The following FOXP2 variants were observed in gnomAD, a reference collection of about 807,000 sequenced individuals.
The protein encoded by FOXP2 is forkhead box P2.
In FOXP2, 12 loss-of-function variants were observed where a neutral mutation model predicts 115.8. The observed-to-expected ratio is 0.10, with a 90% confidence interval of 0.07 to 0.17. The LOEUF is 0.17. Among genes scored for constraint, FOXP2 ranks in the 10% least tolerant of loss-of-function variants. The pLI is 1.00. For missense variants in FOXP2, 629 were observed against 843.5 expected (o/e 0.75, Z 3.15); for synonymous variants, 328 against 297.7 (o/e 1.10, Z -1.05).
At chr7:114,117,081 C>G (rs1352451396) in intron 1 of FOXP2, among the ~76,000 whole-genome samples, 1 of 151,942 alleles carries the variant, frequency 6.6e-6, no homozygotes, top group Non-Finnish European at 1.5e-5. Context: ...ATTTTTTAGC[C>G]TCAGGGGAAA....
chr7:114,466,437 T>C (rs1668619138), intron 2 of FOXP2, among the ~76,000 whole-genome samples: 1 of 152,226 alleles, frequency 6.6e-6, no homozygotes, highest in African/African-American at 2.4e-5. Context: ...GTTGTCACTA[T>C]GGTTACTTAC....
chr7:114,443,401 C>T (rs1450942267), intron 2 of FOXP2, among the ~76,000 whole-genome samples: 1 of 152,158 alleles, frequency 6.6e-6, no homozygotes, highest in Non-Finnish European at 1.5e-5. Context: ...TACTGACAAT[C>T]ACTTCCTTTT....
chr7:114,276,842 C>T (rs1020813748), intron 1 of FOXP2, among the ~76,000 whole-genome samples: 28 of 152,266 alleles, frequency 1.8e-4, no homozygotes, highest in African/African-American at 6.7e-4. Flanking sequence ...TGGTGACTCC[C>T]AAGCTCCTTA....
rs1392693823 is a variant in FOXP2, at chr7:114,662,046, T to C, written c.1648-19T>C. 1 of 1,612,140 alleles carries C rather than the reference T, an allele frequency of 6.2e-7. No homozygotes were observed. Among genetic ancestry groups the C allele is most frequent in the Non-Finnish European group, 8.5e-7 (1 of 1,178,642 alleles). On this transcript the variant is annotated intron_variant, in intron 13 of 16. Transcript: ENST00000350908. ...CAATATTATTTTTGCCATTTTTTCT[T>C]CTCTTCTGTCTGCTTTAGAATGCAG...
rs1179938173 is a variant in FOXP2 at position 114,278,944 on chromosome 7, C to A, written c.-101-9075C>A. ...TCAGCACACTGCCCAGCACACTGCC[C>A]AATTCAAGTTGCATTCAGGAGCTTT... On this transcript the variant is annotated intron_variant, in intron 1 of 17. Transcript: ENST00000634411. 3.3e-5 allele frequency among the ~76,000 whole-genome samples: 5 copies of A among 152,150 alleles called. No individual in the cohort carries two copies. In the East Asian group the frequency reaches 9.7e-4, roughly 29 times the overall value.
chr7:114,332,096 G>A (rs1797728558), intron 2 of FOXP2, among the ~76,000 whole-genome samples: 1 of 151,976 alleles, frequency 6.6e-6, no homozygotes, highest in Non-Finnish European at 1.5e-5. Context: ...CTGTACCTCT[G>A]TGTGTGGGCA....
rs368923204 is a variant in FOXP2, at chr7:114,176,298, T to TTCTTTCTTTCTCTCTC, written c.-102+13213_-102+13214insTTCTTTCTCTCTCTCT. Among the ~76,000 whole-genome samples, 208 of 76,552 alleles carry TTCTTTCTTTCTCTCTC rather than the reference T, an allele frequency of 2.7e-3. 2 individuals carry two copies. Among genetic ancestry groups the TTCTTTCTTTCTCTCTC allele is most frequent in the African/African-American group, 0.01 (194 of 18,494 alleles). 50.2% of individuals were successfully genotyped at this position (76,552 alleles called of 152,430 possible). A position where few individuals can be genotyped will look rare whatever the true frequency, so the allele number is the denominator to read the frequency against. ...TTTCTTTCTTTCTTTCTTTCTTTCT[T>TTCTTTCTTTCTCTCTC]TCTCTCTCTCTCTCTCTCTCTCTTT... On this transcript the variant is annotated intron_variant, in intron 1 of 17. Coordinates refer to the FOXP2 transcript ENST00000634411.
chr7:114,649,852 A>G (rs906954642), intron 8 of FOXP2, among the ~76,000 whole-genome samples: 4 of 152,100 alleles, frequency 2.6e-5, no homozygotes, highest in African/African-American at 4.8e-5. Flanking sequence ...AAGCTAGCCT[A>G]TAATTACAGG....
Position 114,523,655 on chromosome 7 carries a change from T to TTTCCTCTGCTTTTC in FOXP2, c.169-10944_169-10931dup, listed in dbSNP as rs778642566. 7.8e-4 allele frequency among the ~76,000 whole-genome samples: 119 copies of TTTCCTCTGCTTTTC among 152,308 alleles called. 1 individual carries two copies. The highest frequency in any genetic ancestry group is 1.2e-3 in the Non-Finnish European group (80 of 68,026). On this transcript the variant is annotated intron_variant, in intron 2 of 16. Transcript: ENST00000350908. The stretch of plus-strand genomic sequence containing the variant: ...AAGCTAGAATGTGAACTCTGAAACT[T>TTTCCTCTGCTTTTC]TTCCTCTGCTTTTCTTCCTCTGCTT...
chr7:114,603,869 C>G (rs993133046), intron 3 of FOXP2, among the ~76,000 whole-genome samples: 1 of 152,092 alleles, frequency 6.6e-6, no homozygotes, highest in Non-Finnish European at 1.5e-5. Context: ...CAGGCTATAG[C>G]CTTTAGCTTC....
At chr7:114,647,570 T>C (rs1309718433) in intron 8 of FOXP2, among the ~76,000 whole-genome samples, 1 of 151,816 alleles carries the variant, frequency 6.6e-6, no homozygotes, top group African/African-American at 2.4e-5. Context: ...GATAAAAAAG[T>C]GTTGAGGAAA....
chr7:114,494,131 T>C (rs1797199982), intron 2 of FOXP2, among the ~76,000 whole-genome samples: 2 of 152,110 alleles, frequency 1.3e-5, no homozygotes, highest in Non-Finnish European at 2.9e-5. Flanking sequence ...TTTTACCAAA[T>C]TGATGTTGCA....
chr7:114,284,276 T>TA (rs11357065), intron 1 of FOXP2, among the ~76,000 whole-genome samples: 156 of 146,578 alleles, frequency 1.1e-3, no homozygotes, highest in African/African-American at 2.2e-3. Flanking sequence ...AGCACATTGT[T>TA]AAAAAAAAAA....
rs978559030 is a variant in FOXP2 at position 114,369,750 on chromosome 7, AGGCATTG to A, written c.-10-56751_-10-56745del. 3.3e-5 allele frequency among the ~76,000 whole-genome samples: 5 copies of A among 152,172 alleles called. No individual in the cohort carries two copies. The East Asian group carries it at 7.7e-4, about 23-fold the overall frequency. ...TTAAGCCCCTATCAACAGATTTTTA[AGGCATTG>A]TATAACATATTAAATTTTATTATAC... On this transcript the variant is annotated intron_variant, in intron 2 of 17. Coordinates refer to the FOXP2 transcript ENST00000634411.
At chr7:114,574,999 G>T (rs1015696112) in intron 3 of FOXP2, among the ~76,000 whole-genome samples, 5 of 151,766 alleles carry the variant, frequency 3.3e-5, no homozygotes, top group African/African-American at 1.2e-4. Flanking sequence ...GGGGATGCTG[G>T]GTTGGAAGAA....
At chr7:114,519,446 A>G (rs1170830505) in intron 2 of FOXP2, among the ~76,000 whole-genome samples, 3 of 152,118 alleles carry the variant, frequency 2.0e-5, no homozygotes, top group African/African-American at 7.2e-5. Flanking sequence ...TCTGGCAGTA[A>G]GCATCCTCCT....
intron 1 of FOXP2, among the ~76,000 whole-genome samples, chr7:114,287,275 A>G (rs115716089): frequency 1.3e-5 from 2 of 151,994 alleles, no homozygotes; most frequent in Non-Finnish European, 2.9e-5. Context: ...AACTGCAAAA[A>G]GTCTCATAAT....
At chr7:114,462,366 C>CT (rs1170387045) in intron 2 of FOXP2, among the ~76,000 whole-genome samples, 6,350 of 89,242 alleles carry the variant, frequency 0.071, 454 homozygotes, top group East Asian at 0.35. Flanking sequence ...AGCATAATAT[C>CT]TTTTTTTTTT....
At chr7:114,471,026 G>A (rs1344623958) in intron 2 of FOXP2, among the ~76,000 whole-genome samples, 2 of 152,102 alleles carry the variant, frequency 1.3e-5, no homozygotes, top group South Asian at 2.1e-4. Flanking sequence ...TACATACCCT[G>A]TCTGTATTAA....
Sources: gnomAD v4.1 joint callset for allele counts (sites outside exome capture counted in the v4.1 genomes callset) on GRCh38, gnomAD v4.1.1 for gene constraint, MANE v1.5 for transcripts, NCBI Gene and HGNC (gene_info 2026-07-23, HGNC 2026-07-21) for gene names.